Variants in CDK12 observed in about 807,000 individuals in gnomAD.
The protein encoded by CDK12 is cyclin-dependent kinase 12.
A neutral mutation model predicts 133.8 loss-of-function variants in CDK12; 17 were observed. That is an observed-to-expected ratio of 0.13 (90% CI 0.09 to 0.19). CDK12 has a LOEUF of 0.19. Among genes scored for constraint, CDK12 ranks in the 10% least tolerant of loss-of-function variants. The pLI is 1.00. For missense variants in CDK12, 1,508 were observed against 1,818.7 expected, an observed-to-expected ratio of 0.83 and a Z score of 3.11; for synonymous variants, 694 against 683.6, an observed-to-expected ratio of 1.02 and a Z score of -0.24.
chr17:39,534,509 T>G lies in CDK12; in HGVS notation c.*3193T>G, dbSNP rs2055043863. 4.3e-6 allele frequency: 1 copy of G among 232,240 alleles called. No homozygotes were observed. 14.4% of individuals were successfully genotyped at this position (232,240 alleles called of 1,614,324 possible). On this transcript the variant is annotated 3_prime_UTR_variant, in exon 14 of 14. Transcript: ENST00000447079. ...TCTTTCAGTTTATAAAAATGGAAAG[T>G]GGAGATTGGAAAATTAAATATTTCC...
At chr17:39,470,570 T>TA (rs1198594619) in intron 1 of CDK12, among the ~76,000 whole-genome samples, 2 of 152,342 alleles carry the variant, frequency 1.3e-5, no homozygotes, top group East Asian at 1.9e-4. Flanking sequence ...GTACAGTTGT[T>TA]ACAGTTAATG....
At chr17:39,466,949 A>G (rs1828412932) in intron 1 of CDK12, among the ~76,000 whole-genome samples, 1 of 151,938 alleles carries the variant, frequency 6.6e-6, no homozygotes, top group African/African-American at 2.4e-5. Context: ...AGACAGTCAA[A>G]ATGAAATAAG....
intron 2 of CDK12, 70 bp from the exon 3 acceptor site, chr17:39,490,487 T>C: frequency 8.9e-7 from 1 of 1,121,806 alleles, no homozygotes; most frequent in Non-Finnish European, 1.3e-6. Context: ...CCAGGCATTA[T>C]GATCTTTGAA....
At chr17:39,506,035 A>G (rs2053097594) in intron 6 of CDK12, among the ~76,000 whole-genome samples, 1 of 152,084 alleles carries the variant, frequency 6.6e-6, no homozygotes, top group South Asian at 2.1e-4. Context: ...AGTAAGTGTA[A>G]GAGGGTAGGG....
chr17:39,469,636 CTT>C (rs1232951407), intron 1 of CDK12, among the ~76,000 whole-genome samples: 12 of 132,780 alleles, frequency 9.0e-5, no homozygotes, highest in Non-Finnish European at 1.1e-4. Flanking sequence ...AGTATGACTT[CTT>C]TTTTTTTTTT....
At chr17:39,474,913 A>AG (rs1482116027) in intron 2 of CDK12, among the ~76,000 whole-genome samples, 2 of 150,174 alleles carry the variant, frequency 1.3e-5, no homozygotes, top group Non-Finnish European at 2.9e-5. Flanking sequence ...AGCTCACTGC[A>AG]GCCTCTGCCT....
At chr17:39,500,339 AAAG>A (rs922567425) in intron 5 of CDK12, among the ~76,000 whole-genome samples, 10 of 152,088 alleles carry the variant, frequency 6.6e-5, no homozygotes, top group African/African-American at 2.4e-4. Flanking sequence ...TCAAAAAAAA[AAAG>A]AAGAAAAAGG....
rs748037335 is a variant in CDK12, at chr17:39,470,951, G to A, written c.1119G>A (p.Lys373=). 1.9e-6 allele frequency: 3 copies of A among 1,613,996 alleles called. No individual in the cohort carries two copies. The highest frequency in any genetic ancestry group is 1.7e-6 in the Non-Finnish European group (2 of 1,179,960). The change falls in exon 2 of 14, where the codon AAG becomes AAA. Residue 373 remains lysine, a synonymous_variant. Transcript: ENST00000447079. The stretch of plus-strand genomic sequence containing the variant: ...ATTCATCTTCTCATAGTAAAAAGAA[G>A]AGATCCAGTTCACGCAGTCGTCATT... ...SRHSSSHSKK[K]RSSSRSRHSS...
chr17:39,539,450 G>A (rs2055306621), downstream of CDK12, among the ~76,000 whole-genome samples: 1 of 152,200 alleles, frequency 6.6e-6, no homozygotes, highest in Non-Finnish European at 1.5e-5. Flanking sequence ...AAGGCAGGTG[G>A]CAATTTGAAA....
At chr17:39,485,657 C>T (rs930861261) in intron 2 of CDK12, among the ~76,000 whole-genome samples, 4 of 151,838 alleles carry the variant, frequency 2.6e-5, no homozygotes, top group Non-Finnish European at 2.9e-5. Flanking sequence ...TCATGATCCC[C>T]GGCCTCGGCC....
rs539599038 is a variant in CDK12 at position 39,478,626 on chromosome 17, A to C, written c.1931+6863A>C. ...GAGGCCAAGGCAAGAGGCTTGTTTG[A>C]GCCCATGTGTTTTAGGCTACATAGC... On this transcript the variant is annotated intron_variant, in intron 2 of 13. Transcript: ENST00000447079. 3.9e-5 allele frequency among the ~76,000 whole-genome samples: 6 copies of C among 152,226 alleles called. No individual in the cohort carries two copies. In the South Asian group the frequency reaches 6.2e-4, roughly 16 times the overall value.
At chr17:39,539,429 G>A (rs2055305969), downstream of CDK12, among the ~76,000 whole-genome samples, 1 of 152,230 alleles carries the variant, frequency 6.6e-6, no homozygotes, top group Admixed American at 6.5e-5. Flanking sequence ...GGGAGATTCA[G>A]TGCCAAGTTC....
At chr17:39,526,385 A>T (rs766188384) in intron 13 of CDK12, 69 bp downstream of exon 13, 3 of 1,245,690 alleles carry the variant, frequency 2.4e-6, no homozygotes, top group Non-Finnish European at 3.3e-6. Flanking sequence ...ATCTCTTAAC[A>T]TTTTTTTTCC....
At chr17:39,495,184 T>C (rs1479551544) in intron 5 of CDK12, among the ~76,000 whole-genome samples, 1 of 152,088 alleles carries the variant, frequency 6.6e-6, no homozygotes, top group Non-Finnish European at 1.5e-5. Context: ...GTTTAAGTGA[T>C]TCTCGTGCCT....
chr17:39,482,790 A>T (rs2050819723), intron 2 of CDK12, among the ~76,000 whole-genome samples: 1 of 151,246 alleles, frequency 6.6e-6, no homozygotes, highest in South Asian at 2.1e-4. Flanking sequence ...TTTAGTAGAG[A>T]GGGGTTATGC....
At chr17:39,541,447 A>G (rs1196011969) in intron 1 of CDK12, among the ~76,000 whole-genome samples, 2 of 149,102 alleles carry the variant, frequency 1.3e-5, no homozygotes, top group Non-Finnish European at 1.5e-5. Flanking sequence ...GGCTCACTGC[A>G]AGCTCCGCCT....
At chr17:39,506,264 G>A (rs1225224630) in intron 6 of CDK12, among the ~76,000 whole-genome samples, 1 of 139,370 alleles carries the variant, frequency 7.2e-6, no homozygotes, top group African/African-American at 2.8e-5. Flanking sequence ...TCACCAGGCT[G>A]GAATGTAGTG....
At chr17:39,484,945 C>T (rs896266603) in intron 2 of CDK12, among the ~76,000 whole-genome samples, 6 of 151,908 alleles carry the variant, frequency 3.9e-5, no homozygotes, top group African/African-American at 7.2e-5. Flanking sequence ...CCGAGGCGGG[C>T]GGATCACGAG....
upstream of CDK12, chr17:39,549,999 T>C (rs2055886001): frequency 6.6e-6 from 1 of 151,984 alleles, no homozygotes; most frequent in African/African-American, 2.4e-5. Flanking sequence ...TCTCTCTCTC[T>C]CTCTCTCTCT....
Sources: gnomAD v4.1 joint callset for allele counts (sites outside exome capture counted in the v4.1 genomes callset) on GRCh38, gnomAD v4.1.1 for gene constraint, MANE v1.5 for transcripts, NCBI Gene and HGNC (gene_info 2026-07-23, HGNC 2026-07-21) for gene names.